The following QDPR variants were observed in gnomAD, a reference collection of about 807,000 sequenced individuals.
QDPR encodes quinoid dihydropteridine reductase.
QDPR carries 23 observed loss-of-function variants against 31.7 expected under a neutral mutation model. That is an observed-to-expected ratio of 0.73 (90% CI 0.52 to 1.03). QDPR has a LOEUF of 1.03. QDPR is among the 50% of genes least tolerant of loss of function. The pLI is 0.00. For synonymous variants in QDPR, 124 were observed against 124.7 expected, an observed-to-expected ratio of 0.99 and a Z score of 0.03; for missense variants, 324 against 323.8, an observed-to-expected ratio of 1.00 and a Z score of 0.00.
At chr4:17,499,101 C>A (rs896933066) in intron 4 of QDPR, among the ~76,000 whole-genome samples, 1 of 152,138 alleles carries the variant, frequency 6.6e-6, no homozygotes. Flanking sequence ...CCTTTCTCAT[C>A]CATTTAGATC....
At chr4:17,492,646 A>G in intron 4 of QDPR, 1 of 412,650 alleles carries the variant, frequency 2.4e-6, no homozygotes, top group Non-Finnish European at 4.4e-6. Flanking sequence ...AGAGGCCAGG[A>G]AGAAAAGATA....
chr4:17,493,579 T>C (rs1194549397), intron 4 of QDPR, among the ~76,000 whole-genome samples: 1 of 152,110 alleles, frequency 6.6e-6, no homozygotes, highest in Non-Finnish European at 1.5e-5. Flanking sequence ...AACGCTTTTT[T>C]TATAGTTACT....
intron 2 of QDPR, among the ~76,000 whole-genome samples, chr4:17,507,490 T>G (rs189423130): frequency 2.0e-5 from 3 of 152,284 alleles, no homozygotes; most frequent in Admixed American, 2.0e-4. Context: ...GGAGTTCCAG[T>G]CCAGCCTGGG....
At position 17,501,756 on chromosome 4, in the gene QDPR, G is replaced by C. The variant is rs1331138236; in HGVS notation, c.399C>G (p.Thr133=). ...CCAGGGCAGCCTTTGCGCCAGCCAA[G>C]GTCAGGAGGCCTCCTTCCTTGAGAT... ...TKHLKEGGLL[T]LAGAKAALDG... Residue 133 remains threonine (T), a synonymous_variant, in exon 4 of 7, where the codon ACC becomes ACG. Transcript: ENST00000281243. 6.2e-7 allele frequency: 1 copy of C among 1,614,186 alleles called. No homozygotes were observed. The highest frequency in any genetic ancestry group is 8.5e-7 in the Non-Finnish European group (1 of 1,180,032).
At chr4:17,487,327 G>T (rs1717999784) in intron 6 of QDPR, 91 bp from the exon 7 acceptor site, 5 of 957,560 alleles carry the variant, frequency 5.2e-6, no homozygotes, top group Non-Finnish European at 8.3e-6. Context: ...TGGGGTGGGG[G>T]GAAGGGGTGG....
At chr4:17,500,339 C>T (rs924194185) in intron 4 of QDPR, among the ~76,000 whole-genome samples, 6 of 152,182 alleles carry the variant, frequency 3.9e-5, no homozygotes, top group Admixed American at 3.9e-4. Flanking sequence ...CCTTTCTACC[C>T]CTGCTTAAAT....
chr4:17,495,908 C>A (rs192659718), intron 4 of QDPR, among the ~76,000 whole-genome samples: 47 of 152,028 alleles, frequency 3.1e-4, no homozygotes, highest in African/African-American at 1.1e-3. Flanking sequence ...ACCCGGTAGG[C>A]TGAGGTGGAA....
At position 17,512,072 on chromosome 4, in the gene QDPR, G is replaced by T; in HGVS notation, c.-18C>A. 6.4e-7 allele frequency: 1 copy of T among 1,570,892 alleles called. No homozygotes were observed. Among genetic ancestry groups the T allele is most frequent in the Non-Finnish European group, 8.6e-7 (1 of 1,160,920 alleles). On this transcript the variant is annotated 5_prime_UTR_variant, in exon 1 of 7. Coordinates refer to ENST00000281243, the MANE Select transcript of QDPR (RefSeq NM_000320.3). ...GCCGCCATCCTGCTCCTGCCAGCCC[G>T]GCTCCCGCAGCTCCGAATGCCTCGA...
At chr4:17,510,758 G>T (rs1410099276) in intron 1 of QDPR, among the ~76,000 whole-genome samples, 1 of 152,138 alleles carries the variant, frequency 6.6e-6, no homozygotes, top group Non-Finnish European at 1.5e-5. Context: ...AGAGTCTATG[G>T]GAACTCTGGT....
At chr4:17,503,010 A>G (rs921191737) in intron 3 of QDPR, among the ~76,000 whole-genome samples, 4 of 152,244 alleles carry the variant, frequency 2.6e-5, no homozygotes, top group African/African-American at 9.6e-5. Context: ...GATGTCATAT[A>G]AGGTACACAC....
At chr4:17,501,929 G>A in intron 3 of QDPR, 70 bp from the exon 4 acceptor site, 4 of 1,601,100 alleles carry the variant, frequency 2.5e-6, no homozygotes, top group Non-Finnish European at 3.4e-6. Context: ...AACTCATGCA[G>A]CCCCACACTC....
In QDPR at chr4:17,486,661, T is replaced by C. The variant is rs1008106052; in HGVS notation, c.*470A>G. Reference sequence around the variant, plus strand: ...GAAAAGGATACCAGGACAGAGTCCATGTAGTTTTGCTTATACCACAAAAGG... The same window carrying C: ...GAAAAGGATACCAGGACAGAGTCCACGTAGTTTTGCTTATACCACAAAAGG... On this transcript the variant is annotated 3_prime_UTR_variant, in exon 7 of 7. Coordinates refer to ENST00000281243, the MANE Select transcript of QDPR (RefSeq NM_000320.3). The C allele has an allele frequency of 2.7e-5, 5 of 187,504 alleles. No homozygotes were observed. The Middle Eastern group carries it at 7.5e-3, about 283-fold the overall frequency. The allele number at this position is 187,504 out of a possible 1,614,324, so 11.6% of individuals were successfully genotyped here. A position where few individuals can be genotyped will look rare whatever the true frequency, so the allele number is the denominator to read the frequency against.
At chr4:17,490,578 AAC>A (rs1718124375) in intron 6 of QDPR, 82 bp downstream of exon 6, 10 of 1,155,642 alleles carry the variant, frequency 8.7e-6, no homozygotes, top group Non-Finnish European at 1.3e-5. Flanking sequence ...GATCTCAGGG[AAC>A]ACAGACTTGT....
chr4:17,509,038 A>G (rs1194269456), intron 2 of QDPR, among the ~76,000 whole-genome samples: 1 of 152,066 alleles, frequency 6.6e-6, no homozygotes, highest in Non-Finnish European at 1.5e-5. Flanking sequence ...GGCACCTGTA[A>G]TCCCAGCTAC....
At chr4:17,490,506 T>C in intron 6 of QDPR, 156 bp downstream of exon 6, 1 of 655,682 alleles carries the variant, frequency 1.5e-6, no homozygotes, top group Non-Finnish European at 2.8e-6. Flanking sequence ...ACTCTGAGAT[T>C]CCGTCTGATG....
At chr4:17,492,015 A>G (rs757028812) in intron 5 of QDPR, among the ~76,000 whole-genome samples, 16 of 152,234 alleles carry the variant, frequency 1.1e-4, no homozygotes, top group Non-Finnish European at 2.1e-4. Flanking sequence ...ACTGTGAGCA[A>G]TACATTTCTG....
At chr4:17,509,243 C>G (rs1577195913) in intron 2 of QDPR, 28 bp downstream of exon 2, 1 of 1,582,660 alleles carries the variant, frequency 6.3e-7, no homozygotes, top group Non-Finnish European at 8.7e-7. Context: ...GTTCCCCTCA[C>G]AATGTTTGGG....
intron 6 of QDPR, among the ~76,000 whole-genome samples, chr4:17,489,633 A>C (rs1718088276): frequency 6.6e-6 from 1 of 152,146 alleles, no homozygotes; most frequent in South Asian, 2.1e-4. Context: ...CCAAGTCTCT[A>C]AGCCTTAAAT....
chr4:17,501,636 G>A, intron 4 of QDPR, 83 bp downstream of exon 4: 2 of 1,520,758 alleles, frequency 1.3e-6, no homozygotes, highest in Non-Finnish European at 1.8e-6. Flanking sequence ...GGCTTTAACA[G>A]TCCTCATCCC....
Sources: gnomAD v4.1 joint callset for allele counts (sites outside exome capture counted in the v4.1 genomes callset) on GRCh38, gnomAD v4.1.1 for gene constraint, MANE v1.5 for transcripts, NCBI Gene and HGNC (gene_info 2026-07-23, HGNC 2026-07-21) for gene names.